VPS54: variants seen among roughly 807,000 people sequenced by gnomAD.
The protein encoded by VPS54 is vacuolar protein sorting-associated protein 54.
In VPS54, 45 loss-of-function variants were observed where a neutral mutation model predicts 121.5. The ratio of observed to expected loss-of-function variants is 0.37; its 90% confidence interval spans 0.29 to 0.47. VPS54 has a LOEUF of 0.47. Ranked by LOEUF, VPS54 falls within the 20% of genes least tolerant of loss-of-function variation. VPS54 has a pLI of 0.99. For missense variants in VPS54, 1,090 were observed against 1,131.4 expected (o/e 0.96, Z 0.52); for synonymous variants, 371 against 385.8 (o/e 0.96, Z 0.45).
intron 9 of VPS54, 59 bp downstream of exon 9, chr2:63,947,323 TA>T: frequency 7.2e-7 from 1 of 1,390,526 alleles, no homozygotes; most frequent in Admixed American, 2.7e-5. Flanking sequence ...TAGGATAACA[TA>T]AAAATAAACT....
chr2:63,906,756 G>A (rs1672920004), intron 20 of VPS54, among the ~76,000 whole-genome samples: 1 of 152,136 alleles, frequency 6.6e-6, no homozygotes, highest in African/African-American at 2.4e-5. Flanking sequence ...TGGATCAGGA[G>A]ACCCAATAAT....
intron 1 of VPS54, among the ~76,000 whole-genome samples, chr2:63,997,258 C>A (rs1232678475): frequency 6.6e-6 from 1 of 152,096 alleles, no homozygotes; most frequent in Non-Finnish European, 1.5e-5. Context: ...ATTTTTCAGA[C>A]TAGTTTGAGT....
Position 63,962,061 on chromosome 2 carries a change from A to C in VPS54, c.1007T>G (p.Phe336Cys). 1.3e-6 allele frequency: 2 copies of C among 1,556,848 alleles called. No homozygotes were observed. Among genetic ancestry groups the C allele is most frequent in the South Asian group, 1.2e-5 (1 of 83,148 alleles). Reference protein sequence around the residue: ...LQQELQGIHSFRHLGSQLCEL... With the variant: ...LQQELQGIHSCRHLGSQLCEL... ...GTGGCTTACTTAATGAACATACCGG[A>C]AACTGTGAATGCCCTGAAGTTCCTG... is the stretch of plus-strand genomic sequence containing the variant. The change falls in exon 7 of 23, where the codon TTC (phenylalanine) becomes TGC (cysteine). Residue 336 changes from phenylalanine to cysteine, a missense_variant. Physicochemically the swap from Phe to Cys is radical, Grantham distance 205 (BLOSUM62 -2). This residue lies in a region of VPS54 where 801 missense variants were observed against 757.0 expected (regional missense o/e 1.06). Coordinates refer to ENST00000272322, the MANE Select transcript of VPS54 (RefSeq NM_016516.3).
rs1553474591 is a variant in VPS54 at position 63,933,727 on chromosome 2, G to A, written c.1685C>T (p.Ser562Leu). The A allele has an allele frequency of 1.9e-6, 3 of 1,613,770 alleles. No homozygotes were observed. Among genetic ancestry groups the A allele is most frequent in the Non-Finnish European group, 1.7e-6 (2 of 1,179,796 alleles). The change falls in exon 12 of 23, where the codon TCA becomes TTA. Residue 562 changes from serine to leucine, a missense_variant. Transcript: ENST00000272322. ...VSEPECTTDSSSSKEHTSSSA... is the reference protein window; with the variant it reads ...VSEPECTTDSLSSKEHTSSSA... ...TGATGATGTGTGCTCTTTGCTGGAT[G>A]AAGAATCAGTAGTACATTCTGGCTC...
At chr2:63,955,241 C>T (rs1193822574) in intron 7 of VPS54, among the ~76,000 whole-genome samples, 2 of 151,710 alleles carry the variant, frequency 1.3e-5, no homozygotes, top group East Asian at 1.9e-4. Flanking sequence ...ATTTCCTTTA[C>T]TGTTGTGTAT....
chr2:63,912,798 G>T, intron 18 of VPS54, 137 bp from the exon 19 acceptor site: 1 of 1,062,068 alleles, frequency 9.4e-7, no homozygotes, highest in Non-Finnish European at 1.3e-6. Flanking sequence ...AGAGCCCTAT[G>T]GCAGAAGGCA....
chr2:63,970,228 C>CACAA (rs1676207952), intron 4 of VPS54, among the ~76,000 whole-genome samples: 1 of 68,472 alleles, frequency 1.5e-5, no homozygotes, highest in African/African-American at 5.9e-5. Flanking sequence ...CACACACACA[C>CACAA]ACACACACAT....
intron 12 of VPS54, among the ~76,000 whole-genome samples, chr2:63,931,842 A>AGAGCACACCGCAGCTCAGC (rs1674218922): frequency 6.6e-6 from 1 of 152,226 alleles, no homozygotes; most frequent in Admixed American, 6.5e-5. Context: ...AAAAGTGGGC[A>AGAGCACACCGCAGCTCAGC]AAGGATATGA....
chr2:63,926,180 T>C (rs539386669), intron 12 of VPS54, among the ~76,000 whole-genome samples: 4 of 152,292 alleles, frequency 2.6e-5, no homozygotes, highest in Admixed American at 6.5e-5. Context: ...ACAGCCACCT[T>C]AGACACAGAT....
chr2:63,922,107 G>C (rs755887236), intron 12 of VPS54, among the ~76,000 whole-genome samples: 1 of 152,228 alleles, frequency 6.6e-6, no homozygotes, highest in Non-Finnish European at 1.5e-5. Context: ...CTAGGCACTA[G>C]AGGGAATATA....
At chr2:64,008,712 G>A (rs1268129245) in intron 1 of VPS54, among the ~76,000 whole-genome samples, 1 of 152,110 alleles carries the variant, frequency 6.6e-6, no homozygotes, top group Non-Finnish European at 1.5e-5. Flanking sequence ...TGCAGGCTCT[G>A]AAGGTTCTGT....
At chr2:63,986,460 A>G (rs1559041014) in intron 1 of VPS54, among the ~76,000 whole-genome samples, 1 of 152,206 alleles carries the variant, frequency 6.6e-6, no homozygotes, top group Non-Finnish European at 1.5e-5. Context: ...CTATGGCTGA[A>G]TAGTTCTCTA....
At chr2:63,899,410 C>T (rs1558976410) in intron 21 of VPS54, 64 bp downstream of exon 21, 2 of 1,426,226 alleles carry the variant, frequency 1.4e-6, no homozygotes, top group Non-Finnish European at 1.9e-6. Context: ...TGTAAAAACA[C>T]CCCAATTCTG....
Position 63,980,239 on chromosome 2 carries a change from A to T in VPS54, c.378+1407T>A, listed in dbSNP as rs76180346. Among the ~76,000 whole-genome samples, 72 of 152,204 alleles carry T rather than the reference A, an allele frequency of 4.7e-4. No homozygotes were observed. In the East Asian group the frequency reaches 0.013, roughly 28 times the overall value. On this transcript the variant is annotated intron_variant, in intron 3 of 22. Transcript: ENST00000272322. Reference sequence around the variant, plus strand: ...TACATACTAATAGTTTTTGCTCTGAAATCTACTTTGTTATTAATACAGCCA... The same window carrying T: ...TACATACTAATAGTTTTTGCTCTGATATCTACTTTGTTATTAATACAGCCA...
intron 20 of VPS54, among the ~76,000 whole-genome samples, chr2:63,900,769 T>G (rs924839248): frequency 5.9e-5 from 9 of 152,128 alleles, no homozygotes; most frequent in Admixed American, 4.6e-4. Context: ...TTGTTTGTTT[T>G]TTTTGATTTT....
Position 63,949,241 on chromosome 2 carries a change from G to A in VPS54, c.1011-78C>T, listed in dbSNP as rs1451824565. On this transcript the variant is annotated intron_variant, in intron 7 of 22. Transcript: ENST00000272322. ...CGCTCCACAATCAAGGGAACTAGTA[G>A]GTAAAACTTTTTCAGTTGACAGTAC... 4 of 1,451,386 alleles carry A rather than the reference G, an allele frequency of 2.8e-6. No individual in the cohort carries two copies. In the South Asian group the frequency reaches 4.1e-5, roughly 15 times the overall value. 89.9% of individuals were successfully genotyped at this position (1,451,386 alleles called of 1,614,324 possible).
At chr2:63,900,025 A>G (rs1391266772) in intron 20 of VPS54, among the ~76,000 whole-genome samples, 1 of 152,188 alleles carries the variant, frequency 6.6e-6, no homozygotes, top group Non-Finnish European at 1.5e-5. Flanking sequence ...AATATACAAT[A>G]TAGCCACTCC....
chr2:63,901,387 C>A (rs954056427), intron 20 of VPS54, among the ~76,000 whole-genome samples: 7 of 152,098 alleles, frequency 4.6e-5, no homozygotes, highest in African/African-American at 7.2e-5. Flanking sequence ...AAAATTTTAA[C>A]AAATTCTTAA....
At chr2:63,951,939 G>T (rs1675268804) in intron 7 of VPS54, among the ~76,000 whole-genome samples, 1 of 152,100 alleles carries the variant, frequency 6.6e-6, no homozygotes, top group South Asian at 2.1e-4. Flanking sequence ...GTTTTCCACA[G>T]ACAAAATATT....
Sources: allele counts gnomAD v4.1 joint callset (sites outside exome capture counted in the v4.1 genomes callset), GRCh38; gene constraint gnomAD v4.1.1; regional missense constraint gnomAD v4.1.1; transcripts MANE v1.5; gene names NCBI Gene and HGNC (gene_info 2026-07-23, HGNC 2026-07-21).